Variants in AP1B1 observed in about 807,000 individuals in gnomAD.
AP1B1 encodes the protein AP-1 complex subunit beta-1.
In AP1B1, 36 loss-of-function variants were observed where a neutral mutation model predicts 104.3. That is an observed-to-expected ratio of 0.35 (90% CI 0.26 to 0.46). The LOEUF (loss-of-function observed/expected upper bound fraction) is 0.46, where lower values mean the gene tolerates loss of function less well. Among genes scored for constraint, AP1B1 ranks in the 20% least tolerant of loss-of-function variants. AP1B1 has a pLI of 1.00. For synonymous variants in AP1B1, 504 were observed against 517.5 expected, an observed-to-expected ratio of 0.97 and a Z score of 0.35; for missense variants, 901 against 1,247.9, an observed-to-expected ratio of 0.72 and a Z score of 4.19.
chr22:29,376,059 G>A (rs981893071), intron 1 of AP1B1, among the ~76,000 whole-genome samples: 8 of 152,184 alleles, frequency 5.3e-5, no homozygotes, highest in Admixed American at 3.9e-4. Context: ...TGTCAAACAC[G>A]AGGAAGTAGA....
chr22:29,378,312 T>C (rs2062378623), intron 1 of AP1B1, among the ~76,000 whole-genome samples: 1 of 152,014 alleles, frequency 6.6e-6, no homozygotes, highest in South Asian at 2.1e-4. Context: ...ATCCTAGCAC[T>C]GTGTGAGGCT....
intron 1 of AP1B1, among the ~76,000 whole-genome samples, chr22:29,367,583 A>G (rs1451106904): frequency 3.3e-5 from 5 of 150,172 alleles, no homozygotes; most frequent in Admixed American, 6.6e-5. Context: ...TACAGGTGTG[A>G]GCCACCACAC....
intron 1 of AP1B1, among the ~76,000 whole-genome samples, chr22:29,369,883 A>T (rs1321513502): frequency 6.8e-6 from 1 of 146,868 alleles, no homozygotes; most frequent in African/African-American, 2.6e-5. Flanking sequence ...CCATTTTCTC[A>T]AAGAAACCTC....
chr22:29,388,203 C>T (rs916974845), intron 1 of AP1B1, among the ~76,000 whole-genome samples: 1 of 152,142 alleles, frequency 6.6e-6, no homozygotes, highest in African/African-American at 2.4e-5. Flanking sequence ...CCAGGAGGTG[C>T]TGCGGGTATG....
intron 11 of AP1B1, among the ~76,000 whole-genome samples, chr22:29,345,552 T>A (rs1228299645): frequency 2.8e-5 from 4 of 143,298 alleles, no homozygotes; most frequent in Admixed American, 1.5e-4. Flanking sequence ...TTTTTTTTTA[T>A]AGAGATGAGG....
At chr22:29,379,404 A>C (rs185173356) in intron 1 of AP1B1, among the ~76,000 whole-genome samples, 14 of 152,322 alleles carry the variant, frequency 9.2e-5, no homozygotes, top group African/African-American at 3.4e-4. Context: ...AAATTAATCG[A>C]GATGAGGAGA....
At chr22:29,336,334 TC>T (rs1569152260) in intron 16 of AP1B1, among the ~76,000 whole-genome samples, 1 of 152,062 alleles carries the variant, frequency 6.6e-6, no homozygotes, top group Non-Finnish European at 1.5e-5. Context: ...CCTAGAACCC[TC>T]CCATGACCAA....
chr22:29,360,109 T>G lies in AP1B1; in HGVS notation c.144-150A>C, dbSNP rs373784954. On this transcript the variant is annotated intron_variant, in intron 3 of 22. Transcript: ENST00000357586. ...CTGGTAAAAGGGAGGGTTTCAGGTC[T>G]GCTGTTAACAATCAACACCTATTGA... The G allele has an allele frequency of 1.4e-5, 11 of 806,062 alleles. No homozygotes were observed. The South Asian group carries it at 2.1e-4, about 16-fold the overall frequency. 49.9% of individuals were successfully genotyped at this position (806,062 alleles called of 1,614,324 possible).
Position 29,331,914 on chromosome 22 carries a change from A to C in AP1B1, c.2312T>G (p.Phe771Cys). 1.2e-6 allele frequency: 2 copies of C among 1,608,686 alleles called. No individual in the cohort carries two copies. Among genetic ancestry groups the C allele is most frequent in the Non-Finnish European group, 1.7e-6 (2 of 1,177,646 alleles). ...DFAIQFNRNS[F>C]GLAPAAPLQV... ...GAGGGGGGCGGCGGGGGCCAGGCCA[A>C]AGCTGGGGAGAGAGAAGCCCCACAG... The change falls in exon 18 of 23, where the codon TTT becomes TGT. Residue 771 changes from phenylalanine (F) to cysteine (C), a missense_variant and splice_region_variant. Physicochemically the swap from Phe to Cys is radical, Grantham distance 205. This residue lies in a region of AP1B1 where 424 missense variants were observed against 494.0 expected (regional missense o/e 0.86). Coordinates refer to ENST00000357586, the MANE Select transcript of AP1B1 (RefSeq NM_001127.4).
intron 1 of AP1B1, among the ~76,000 whole-genome samples, chr22:29,370,832 T>A (rs905818437): frequency 6.6e-6 from 1 of 152,204 alleles, no homozygotes; most frequent in African/African-American, 2.4e-5. Flanking sequence ...ACAGTCTTCC[T>A]TTTACAGGTG....
Position 29,370,725 on chromosome 22 carries a change from A to G in AP1B1, c.-27-3455T>C, listed in dbSNP as rs1490487325. The stretch of plus-strand genomic sequence containing the variant: ...CTTTCTTTCTGGGGATTTAAAAAAA[A>G]AGTGACAGAGCTGCAGGGTAGCTGG... On this transcript the variant is annotated intron_variant, in intron 1 of 22. Transcript: ENST00000357586. 3 of 152,232 alleles carry G rather than the reference A, an allele frequency of 2.0e-5. No individual in the cohort carries two copies. In the East Asian group the frequency reaches 5.8e-4, roughly 29 times the overall value. The allele number at this position is 152,232 out of a possible 1,614,324, so 9.4% of individuals were successfully genotyped here.
chr22:29,348,741 A>G (rs1238540570), intron 11 of AP1B1, among the ~76,000 whole-genome samples: 1 of 152,138 alleles, frequency 6.6e-6, no homozygotes, highest in South Asian at 2.1e-4. Context: ...TTGGTTGCAT[A>G]TGTGTGTGTA....
At chr22:29,363,752 C>G (rs1416511421) in intron 2 of AP1B1, among the ~76,000 whole-genome samples, 1 of 151,934 alleles carries the variant, frequency 6.6e-6, no homozygotes, top group East Asian at 1.9e-4. Context: ...TTTTAATTAG[C>G]CGGGTGTGGT....
intron 22 of AP1B1, chr22:29,329,336 G>A (rs947724257): frequency 8.4e-6 from 10 of 1,183,822 alleles, no homozygotes; most frequent in Non-Finnish European, 1.0e-5. Flanking sequence ...TCCTGCGTAG[G>A]AAGCAGGCAC....
At chr22:29,340,899 C>T (rs756906256) in intron 13 of AP1B1, 42 bp from the exon 14 acceptor site, 2 of 1,549,714 alleles carry the variant, frequency 1.3e-6, no homozygotes, top group Non-Finnish European at 1.7e-6. Flanking sequence ...CAGGATGTCT[C>T]AGGAAGGTCA....
intron 5 of AP1B1, among the ~76,000 whole-genome samples, chr22:29,356,831 A>G (rs1242345018): frequency 6.6e-6 from 1 of 152,194 alleles, no homozygotes; most frequent in African/African-American, 2.4e-5. Context: ...CCATTTAGAA[A>G]AACAAGAAAG....
chr22:29,358,173 T>C (rs546174352), intron 5 of AP1B1, among the ~76,000 whole-genome samples: 1 of 152,252 alleles, frequency 6.6e-6, no homozygotes, highest in Admixed American at 6.5e-5. Flanking sequence ...CAAACTGCCC[T>C]CCAAACTGCT....
intron 17 of AP1B1, 81 bp from the exon 18 acceptor site, chr22:29,331,997 C>T: frequency 7.0e-7 from 1 of 1,420,026 alleles, no homozygotes; most frequent in Non-Finnish European, 9.5e-7. Flanking sequence ...GACTCGGGAG[C>T]TGGGGCTGTG....
intron 10 of AP1B1, 82 bp downstream of exon 10, chr22:29,349,953 G>A: frequency 9.3e-7 from 1 of 1,076,500 alleles, no homozygotes; most frequent in Non-Finnish European, 1.4e-6. Context: ...AGGAAGAGGA[G>A]ATTCCTCCTT....
Sources: gnomAD v4.1 joint callset for allele counts (sites outside exome capture counted in the v4.1 genomes callset) on GRCh38, gnomAD v4.1.1 for gene constraint, gnomAD v4.1.1 regional missense constraint, MANE v1.5 for transcripts, NCBI Gene and HGNC (gene_info 2026-07-23, HGNC 2026-07-21) for gene names.